The following SNAP91 variants were observed in gnomAD, a reference collection of about 807,000 sequenced individuals.
SNAP91 encodes the protein clathrin coat assembly protein AP180.
A neutral mutation model predicts 100.3 loss-of-function variants in SNAP91; 27 were observed. That is an observed-to-expected ratio of 0.27 (90% CI 0.20 to 0.37). The LOEUF is 0.37. SNAP91 is among the 10% of genes least tolerant of loss of function. The probability of loss-of-function intolerance (pLI) is 1.00; values close to 1 mark genes in which losing one functional copy is unlikely to be tolerated. For missense variants in SNAP91, 986 were observed against 1,123.7 expected, an observed-to-expected ratio of 0.88 and a Z score of 1.75; for synonymous variants, 404 against 398.6, an observed-to-expected ratio of 1.01 and a Z score of -0.16.
Position 83,556,142 on chromosome 6 carries a change from C to T in SNAP91, c.*10+1G>A. 1 of 1,508,034 alleles carries T rather than the reference C, an allele frequency of 6.6e-7. No individual in the cohort carries two copies. Among genetic ancestry groups the T allele is most frequent in the Non-Finnish European group, 9.0e-7 (1 of 1,107,026 alleles). 93.4% of individuals were successfully genotyped at this position (1,508,034 alleles called of 1,614,324 possible). ...TACAGGAAAAGCTCAATATTAGATA[C>T]CTTAAATTGTTTACAAGAAATCCTT... On this transcript the variant is annotated splice_donor_variant, in intron 29 of 29. Transcript: ENST00000369694. LOFTEE classifies it low-confidence loss of function (3UTR_SPLICE).
At chr6:83,635,435 C>T (rs1217495710) in intron 8 of SNAP91, among the ~76,000 whole-genome samples, 1 of 152,010 alleles carries the variant, frequency 6.6e-6, no homozygotes, top group Non-Finnish European at 1.5e-5. Context: ...TATGTAATGT[C>T]CTTCTTTGTA....
At chr6:83,581,751 A>T (rs538449141) in intron 23 of SNAP91, among the ~76,000 whole-genome samples, 1 of 152,352 alleles carries the variant, frequency 6.6e-6, no homozygotes, top group South Asian at 2.1e-4. Context: ...GAATACAAAC[A>T]AAATGACAGC....
At chr6:83,569,117 A>C (rs1008252271) in intron 26 of SNAP91, among the ~76,000 whole-genome samples, 1 of 152,222 alleles carries the variant, frequency 6.6e-6, no homozygotes, top group African/African-American at 2.4e-5. Flanking sequence ...AGATAAAACT[A>C]AGAATTAATA....
intron 2 of SNAP91, among the ~76,000 whole-genome samples, chr6:83,701,263 G>A (rs1284288304): frequency 1.3e-5 from 2 of 152,034 alleles, no homozygotes; most frequent in Non-Finnish European, 2.9e-5. Context: ...AGAGACAGAA[G>A]ATGTTAAAGA....
At chr6:83,644,005 T>G (rs914401222) in intron 7 of SNAP91, among the ~76,000 whole-genome samples, 7 of 152,192 alleles carry the variant, frequency 4.6e-5, no homozygotes, top group Non-Finnish European at 8.8e-5. Context: ...AAATAAGGAT[T>G]TATTCTGGCA....
At chr6:83,631,821 G>A (rs1201824278) in intron 8 of SNAP91, among the ~76,000 whole-genome samples, 1 of 152,014 alleles carries the variant, frequency 6.6e-6, no homozygotes, top group East Asian at 1.9e-4. Flanking sequence ...GGGGCATTTA[G>A]GCCATTTACA....
At chr6:83,605,400 T>A (rs2095547395) in intron 14 of SNAP91, among the ~76,000 whole-genome samples, 1 of 151,898 alleles carries the variant, frequency 6.6e-6, no homozygotes. Context: ...AATTTTAGAG[T>A]AGTAATAAAA....
chr6:83,625,288 C>T (rs2096889389), intron 8 of SNAP91, among the ~76,000 whole-genome samples: 1 of 152,038 alleles, frequency 6.6e-6, no homozygotes, highest in Non-Finnish European at 1.5e-5. Context: ...ACTGGTCCAC[C>T]ACTGATGGGC....
chr6:83,699,108 C>A (rs1222590895), intron 2 of SNAP91, among the ~76,000 whole-genome samples: 1 of 152,098 alleles, frequency 6.6e-6, no homozygotes, highest in Non-Finnish European at 1.5e-5. Flanking sequence ...GAAGCAAAAT[C>A]TTTCTAGGTG....
At chr6:83,614,167 T>C (rs1478084040) in intron 11 of SNAP91, among the ~76,000 whole-genome samples, 1 of 152,212 alleles carries the variant, frequency 6.6e-6, no homozygotes, top group African/African-American at 2.4e-5. Flanking sequence ...GAAAGATCTA[T>C]CTACATCCTT....
At chr6:83,698,397 T>C (rs1412124285) in intron 2 of SNAP91, among the ~76,000 whole-genome samples, 1 of 151,294 alleles carries the variant, frequency 6.6e-6, no homozygotes, top group Non-Finnish European at 1.5e-5. Context: ...GAGACTGCCC[T>C]GAAGTCATGT....
chr6:83,609,785 A>T (rs1369673230), intron 12 of SNAP91, among the ~76,000 whole-genome samples: 1 of 152,200 alleles, frequency 6.6e-6, no homozygotes. Flanking sequence ...AAAGACACCC[A>T]ATTACAATGG....
At chr6:83,594,171 A>C (rs2094186364) in intron 17 of SNAP91, among the ~76,000 whole-genome samples, 1 of 152,264 alleles carries the variant, frequency 6.6e-6, no homozygotes, top group African/African-American at 2.4e-5. Context: ...AAAAATTGTC[A>C]ATCTTAAGAA....
chr6:83,618,176 G>A (rs768431196), intron 9 of SNAP91, among the ~76,000 whole-genome samples: 1 of 151,636 alleles, frequency 6.6e-6, no homozygotes, highest in Non-Finnish European at 1.5e-5. Flanking sequence ...TCTTAAAACT[G>A]TCTTAACATT....
In SNAP91 at chr6:83,696,234, G is replaced by C. The variant is rs574236049; in HGVS notation, c.130+11564C>G. Among the ~76,000 whole-genome samples the C allele has an allele frequency of 1.1e-4, 17 of 152,278 alleles. No individual in the cohort carries two copies. In the East Asian group the frequency reaches 3.3e-3, roughly 29 times the overall value. On this transcript the variant is annotated intron_variant, in intron 2 of 29. Transcript: ENST00000369694. ...TAGCTAGAAGTTGGAAGAGCTGTAG[G>C]CTCTACACTTTGACACTAACCAGGT...
intron 22 of SNAP91, among the ~76,000 whole-genome samples, chr6:83,583,381 T>C (rs570442410): frequency 8.5e-5 from 13 of 152,358 alleles, no homozygotes; most frequent in African/African-American, 2.6e-4. Context: ...AAACACTGAA[T>C]TAATGTTTAT....
At chr6:83,646,302 C>G (rs2097914692) in intron 7 of SNAP91, among the ~76,000 whole-genome samples, 1 of 152,170 alleles carries the variant, frequency 6.6e-6, no homozygotes, top group African/African-American at 2.4e-5. Context: ...ACCATCATAT[C>G]CAAGGTCATT....
intron 23 of SNAP91, 25 bp downstream of exon 23, chr6:83,582,197 G>T (rs762929970): frequency 1.9e-6 from 3 of 1,611,016 alleles, no homozygotes; most frequent in Non-Finnish European, 2.5e-6. Flanking sequence ...CACATGAAAA[G>T]AATGTTTGAA....
At chr6:83,708,217 C>G (rs910774386) in intron 1 of SNAP91, 2 of 393,938 alleles carry the variant, frequency 5.1e-6, no homozygotes, top group African/African-American at 2.1e-5. Flanking sequence ...TCTCCCCCGG[C>G]CCCCACATAG....
Sources: gnomAD v4.1 joint callset for allele counts (sites outside exome capture counted in the v4.1 genomes callset) on GRCh38, gnomAD v4.1.1 for gene constraint, MANE v1.5 for transcripts, NCBI Gene and HGNC (gene_info 2026-07-23, HGNC 2026-07-21) for gene names.